The following KIAA1217 variants were observed in gnomAD, a reference collection of about 807,000 sequenced individuals.
KIAA1217 encodes sickle tail protein homolog.
In KIAA1217, 88 loss-of-function variants were observed where a neutral mutation model predicts 163.9. That is an observed-to-expected ratio of 0.54 (90% CI 0.45 to 0.64). The LOEUF (loss-of-function observed/expected upper bound fraction) is 0.64. KIAA1217 is among the 30% of genes least tolerant of loss of function. The probability of loss-of-function intolerance (pLI) is 0.00; values close to 1 mark genes in which losing one functional copy is unlikely to be tolerated. For synonymous variants in KIAA1217, 903 were observed against 923.1 expected (o/e 0.98, Z 0.39); for missense variants, 2,372 against 2,475.0 (o/e 0.96, Z 0.88).
chr10:24,147,859 A>AAG (rs2064404096), intron 2 of KIAA1217, among the ~76,000 whole-genome samples: 2 of 146,124 alleles, frequency 1.4e-5, no homozygotes, highest in East Asian at 1.9e-4. Context: ...AAAAAAAAAA[A>AAG]AAAGAAAGAA....
In KIAA1217 at chr10:24,092,929, T is replaced by G. The variant is rs11819330; in HGVS notation, c.-171+85555T>G. 6.3e-4 allele frequency among the ~76,000 whole-genome samples: 51 copies of G among 80,600 alleles called. 1 individual carries two copies. The highest frequency in any genetic ancestry group is 4.0e-3 in the African/African-American group (19 of 4,742). The allele number at this position is 80,600 out of a possible 152,430, so 52.9% of individuals were successfully genotyped here. ...AGTGTGTGTGTGTGTGTGTGTGTGTTGTGTGTGTGTGTGTGTGTGTGTGTG... is the reference window on the plus strand; with the variant it reads ...AGTGTGTGTGTGTGTGTGTGTGTGTGGTGTGTGTGTGTGTGTGTGTGTGTG... On this transcript the variant is annotated intron_variant, in intron 2 of 18. Coordinates refer to the KIAA1217 transcript ENST00000376462.
At chr10:24,249,060 C>T (rs895923138) in intron 2 of KIAA1217, among the ~76,000 whole-genome samples, 2 of 152,168 alleles carry the variant, frequency 1.3e-5, no homozygotes, top group African/African-American at 2.4e-5. Flanking sequence ...GTGTAGTGGA[C>T]GTGATTTATA....
intron 2 of KIAA1217, among the ~76,000 whole-genome samples, chr10:24,157,243 G>T (rs1176440058): frequency 6.6e-6 from 1 of 152,124 alleles, no homozygotes; most frequent in Non-Finnish European, 1.5e-5. Flanking sequence ...TGCCCTTAAT[G>T]AACAATTTTG....
chr10:24,382,800 TG>T (rs1190289539), intron 3 of KIAA1217, among the ~76,000 whole-genome samples: 105 of 151,362 alleles, frequency 6.9e-4, no homozygotes, highest in African/African-American at 2.4e-3. Context: ...GTCACCAGGC[TG>T]GGGCTTTCTG....
chr10:23,811,014 G>A (rs1482686643), intron 1 of KIAA1217, among the ~76,000 whole-genome samples: 1 of 120,982 alleles, frequency 8.3e-6, no homozygotes, highest in African/African-American at 3.3e-5. Context: ...ACTATATAGA[G>A]TATATATACT....
chr10:24,218,378 G>T (rs1263987377), intron 1 of KIAA1217, among the ~76,000 whole-genome samples: 2 of 152,094 alleles, frequency 1.3e-5, no homozygotes, highest in Non-Finnish European at 2.9e-5. Context: ...GATGTCTTAG[G>T]TCCAGGCTAT....
chr10:24,159,164 A>G (rs1489468648), intron 2 of KIAA1217, among the ~76,000 whole-genome samples: 1 of 152,134 alleles, frequency 6.6e-6, no homozygotes. Flanking sequence ...CTACCAAGAC[A>G]CAAAGGTTAT....
At chr10:23,701,011 A>G (rs543360716) in intron 1 of KIAA1217, among the ~76,000 whole-genome samples, 2 of 152,344 alleles carry the variant, frequency 1.3e-5, no homozygotes, top group East Asian at 3.9e-4. Flanking sequence ...TCTTGAATAA[A>G]TAAATGGGAA....
intron 8 of KIAA1217, among the ~76,000 whole-genome samples, chr10:24,500,951 A>C (rs2133952132): frequency 6.6e-6 from 1 of 151,964 alleles, no homozygotes; most frequent in Admixed American, 6.6e-5. Flanking sequence ...CAAACAAAAA[A>C]CCTTATATTG....
chr10:24,275,447 T>C (rs949583421), intron 2 of KIAA1217, among the ~76,000 whole-genome samples: 1 of 152,230 alleles, frequency 6.6e-6, no homozygotes, highest in Admixed American at 6.5e-5. Context: ...GAGTGTTGTT[T>C]AGTTAGACGC....
intron 2 of KIAA1217, among the ~76,000 whole-genome samples, chr10:24,247,394 T>C (rs1036297192): frequency 6.6e-6 from 1 of 152,192 alleles, no homozygotes; most frequent in African/African-American, 2.4e-5. Flanking sequence ...CCTCCCCAAG[T>C]GTTGGGATTA....
intron 2 of KIAA1217, among the ~76,000 whole-genome samples, chr10:24,023,786 G>T (rs939835141): frequency 6.6e-6 from 1 of 151,542 alleles, no homozygotes. Context: ...ACATAGCAAT[G>T]AAAAAACACA....
At chr10:24,366,412 T>A (rs1162441358) in intron 2 of KIAA1217, among the ~76,000 whole-genome samples, 3 of 152,050 alleles carry the variant, frequency 2.0e-5, no homozygotes, top group African/African-American at 7.2e-5. Flanking sequence ...GCCACTGCAC[T>A]CCAGCCTGGG....
rs765510303 is a variant in KIAA1217 at position 24,381,040 on chromosome 10, A to C, written c.526A>C (p.Thr176Pro). 1 of 1,581,600 alleles carries C rather than the reference A, an allele frequency of 6.3e-7. No homozygotes were observed. The highest frequency in any genetic ancestry group is 1.7e-4 in the Middle Eastern group (1 of 5,914). ...TRASLPVVRS[T>P]NQTKERSLGV... ...TGCGAGCCTTCCTGTGGTGAGGTCAACCAACCAGACGAAAGAAAGATCTCT... is the reference window on the plus strand; with the variant it reads ...TGCGAGCCTTCCTGTGGTGAGGTCACCCAACCAGACGAAAGAAAGATCTCT... The change falls in exon 3 of 21, where the codon ACC (threonine) becomes CCC (proline). Residue 176 changes from threonine (T) to proline (P), a missense_variant. Thr to Pro is a conservative substitution (Grantham distance 38, BLOSUM62 -1). Transcript: ENST00000376454.
chr10:24,132,449 C>A lies in KIAA1217; in HGVS notation c.-170-87177C>A, dbSNP rs931339726. On this transcript the variant is annotated intron_variant, in intron 2 of 18. Coordinates refer to the KIAA1217 transcript ENST00000376462. ...TCAGAGAGCTATAGCTACATATTGC[C>A]TATGAGAGAACATGCTCAATTTTAG... is the stretch of plus-strand genomic sequence containing the variant. Among the ~76,000 whole-genome samples the A allele has an allele frequency of 6.6e-5, 10 of 152,266 alleles. 1 individual carries two copies. The East Asian group carries it at 1.9e-3, about 29-fold the overall frequency.
At chr10:24,085,789 A>G (rs1451857584) in intron 2 of KIAA1217, among the ~76,000 whole-genome samples, 1 of 152,056 alleles carries the variant, frequency 6.6e-6, no homozygotes, top group Non-Finnish European at 1.5e-5. Context: ...CCTAGGTAAC[A>G]TGGCAAAATC....
At chr10:24,349,025 G>A (rs535790567) in intron 2 of KIAA1217, among the ~76,000 whole-genome samples, 1 of 151,636 alleles carries the variant, frequency 6.6e-6, no homozygotes, top group African/African-American at 2.4e-5. Flanking sequence ...TCAGCTAGTT[G>A]GGAGGCTGAA....
At chr10:23,959,459 G>C (rs769298144) in intron 1 of KIAA1217, among the ~76,000 whole-genome samples, 23 of 152,190 alleles carry the variant, frequency 1.5e-4, no homozygotes, top group Non-Finnish European at 2.9e-4. Context: ...GGAGTTCAAG[G>C]TTGCAGTGAG....
intron 1 of KIAA1217, among the ~76,000 whole-genome samples, chr10:23,767,973 A>G (rs1325804662): frequency 6.6e-6 from 1 of 152,192 alleles, no homozygotes; most frequent in Non-Finnish European, 1.5e-5. Flanking sequence ...AAGAGACCAG[A>G]AGGAGGGGGC....
Sources: gnomAD v4.1 joint callset for allele counts (sites outside exome capture counted in the v4.1 genomes callset) on GRCh38, gnomAD v4.1.1 for gene constraint, MANE v1.5 for transcripts, NCBI Gene and HGNC (gene_info 2026-07-23, HGNC 2026-07-21) for gene names.